UBASH3B: variants seen among roughly 807,000 people sequenced by gnomAD.
UBASH3B encodes the protein ubiquitin associated and SH3 domain containing B.
Under a neutral mutation model 83.4 loss-of-function variants are expected in UBASH3B, and 37 were observed. The ratio of observed to expected loss-of-function variants is 0.44; its 90% CI spans 0.34 to 0.58. UBASH3B has a LOEUF of 0.58. UBASH3B is among the 20% of genes least tolerant of loss of function. The probability of loss-of-function intolerance (pLI) is 0.01; values close to 1 mark genes in which losing one functional copy is unlikely to be tolerated. For missense variants in UBASH3B, 657 were observed against 827.2 expected (o/e 0.79, Z 2.52); for synonymous variants, 304 against 318.3 (o/e 0.96, Z 0.48).
At chr11:122,701,066 C>G (rs1864034917) in intron 1 of UBASH3B, among the ~76,000 whole-genome samples, 2 of 152,194 alleles carry the variant, frequency 1.3e-5, no homozygotes, top group Admixed American at 1.3e-4. Flanking sequence ...TCCCAACCCC[C>G]AGCATTCTGA....
At chr11:122,800,188 T>C (rs1861227275) in intron 10 of UBASH3B, among the ~76,000 whole-genome samples, 1 of 152,156 alleles carries the variant, frequency 6.6e-6, no homozygotes, top group Non-Finnish European at 1.5e-5. Flanking sequence ...CGATGTTGGA[T>C]ACTCAGAGAC....
At chr11:122,773,871 G>T in intron 1 of UBASH3B, 1 of 537,302 alleles carries the variant, frequency 1.9e-6, no homozygotes, top group Non-Finnish European at 2.4e-6. Context: ...TTGGGGGAAG[G>T]GTGTAGAAAA....
At chr11:122,659,072 T>C (rs1412665527) in intron 1 of UBASH3B, among the ~76,000 whole-genome samples, 1 of 152,190 alleles carries the variant, frequency 6.6e-6, no homozygotes, top group Non-Finnish European at 1.5e-5. Context: ...TGTCTTTGTT[T>C]TCTGTCTGTG....
In UBASH3B at chr11:122,811,574, C is replaced by T. The variant is rs921232470; in HGVS notation, c.*1688C>T. The stretch of plus-strand genomic sequence containing the variant: ...TCCTGGGCTCAAGCGATCCTCCTGC[C>T]CCTGTCTCCCAAAGTGCTAGGATTA... On this transcript the variant is annotated 3_prime_UTR_variant, in exon 14 of 14. Coordinates refer to ENST00000284273, the MANE Select transcript of UBASH3B (RefSeq NM_032873.5). The T allele has an allele frequency of 6.6e-6, 1 of 152,172 alleles. No individual in the cohort carries two copies. Among genetic ancestry groups the T allele is most frequent in the African/African-American group, 2.4e-5 (1 of 41,424 alleles). 9.4% of individuals were successfully genotyped at this position (152,172 alleles called of 1,614,324 possible).
At chr11:122,804,174 G>A (rs916003714) in intron 11 of UBASH3B, among the ~76,000 whole-genome samples, 2 of 152,106 alleles carry the variant, frequency 1.3e-5, no homozygotes, top group African/African-American at 4.8e-5. Context: ...GGATGGGCCT[G>A]GGAGATGAGG....
chr11:122,807,229 C>A (rs951791374), intron 12 of UBASH3B, among the ~76,000 whole-genome samples: 1 of 152,168 alleles, frequency 6.6e-6, no homozygotes, highest in Non-Finnish European at 1.5e-5. Context: ...ATAGTGGGAA[C>A]ACTTAAAACT....
chr11:122,720,340 G>A (rs772742007), intron 1 of UBASH3B, among the ~76,000 whole-genome samples: 3 of 152,144 alleles, frequency 2.0e-5, no homozygotes, highest in Non-Finnish European at 4.4e-5. Context: ...CAGCTTCGCC[G>A]CTTCCACAGA....
Position 122,715,554 on chromosome 11 carries a change from A to G in UBASH3B, c.161+59344A>G, listed in dbSNP as rs149071695. ...ATTTACCCAATGTGTCACCAAAGAG[A>G]CACAGCAGAAACTGCTGGAGAAACA... On this transcript the variant is annotated intron_variant, in intron 1 of 13. Coordinates refer to ENST00000284273, the MANE Select transcript of UBASH3B (RefSeq NM_032873.5). 2.9e-3 allele frequency among the ~76,000 whole-genome samples: 446 copies of G among 152,346 alleles called. 3 individuals carry two copies. Among genetic ancestry groups the G allele is most frequent in the African/African-American group, 9.3e-3 (386 of 41,570 alleles).
At chr11:122,661,524 C>T (rs565174153) in intron 1 of UBASH3B, among the ~76,000 whole-genome samples, 39 of 152,292 alleles carry the variant, frequency 2.6e-4, no homozygotes, top group South Asian at 6.2e-4. Context: ...AGAGGAAAAA[C>T]TGGAACCCAC....
chr11:122,797,935 A>G lies in UBASH3B; in HGVS notation c.1357+902A>G, dbSNP rs1861182632. 2.0e-5 allele frequency among the ~76,000 whole-genome samples: 3 copies of G among 152,324 alleles called. No individual in the cohort carries two copies. The South Asian group carries it at 6.2e-4, about 32-fold the overall frequency. Reference sequence around the variant, plus strand: ...TAGCAAGATGGATAAAGGCAAGTTCATGGAAGACCTTGGCCACCATATTAA... The same window carrying G: ...TAGCAAGATGGATAAAGGCAAGTTCGTGGAAGACCTTGGCCACCATATTAA... On this transcript the variant is annotated intron_variant, in intron 9 of 13. Transcript: ENST00000284273.
Position 122,812,647 on chromosome 11 carries a change from G to A in UBASH3B, c.*2761G>A, listed in dbSNP as rs1006822722. ...ACTAGGTGAAATGAAATTAACTAAAGGTTTTAATCTGGGATTGAAAGCCTG... is the reference window on the plus strand; with the variant it reads ...ACTAGGTGAAATGAAATTAACTAAAAGTTTTAATCTGGGATTGAAAGCCTG... On this transcript the variant is annotated 3_prime_UTR_variant, in exon 14 of 14. Transcript: ENST00000284273. The A allele has an allele frequency of 2.6e-5, 4 of 152,220 alleles. No homozygotes were observed. Among genetic ancestry groups the A allele is most frequent in the African/African-American group, 9.6e-5 (4 of 41,460 alleles). The allele number at this position is 152,220 out of a possible 1,614,324, so 9.4% of individuals were successfully genotyped here.
At chr11:122,742,646 C>A (rs1861045261) in intron 1 of UBASH3B, among the ~76,000 whole-genome samples, 1 of 152,230 alleles carries the variant, frequency 6.6e-6, no homozygotes, top group African/African-American at 2.4e-5. Context: ...TCCAGAACCC[C>A]CTTGGTCAGG....
chr11:122,804,985 A>C (rs568809756), intron 11 of UBASH3B, among the ~76,000 whole-genome samples: 36 of 152,196 alleles, frequency 2.4e-4, no homozygotes, highest in Non-Finnish European at 3.7e-4. Context: ...GAAGACATGC[A>C]GGGGCACCGG....
intron 1 of UBASH3B, among the ~76,000 whole-genome samples, chr11:122,745,234 G>C (rs1007268933): frequency 6.6e-6 from 1 of 152,162 alleles, no homozygotes; most frequent in Non-Finnish European, 1.5e-5. Flanking sequence ...ACTGGATCAC[G>C]TAACAAACAG....
intron 4 of UBASH3B, 155 bp from the exon 5 acceptor site, chr11:122,782,898 T>C (rs1215708586): frequency 2.0e-5 from 17 of 868,084 alleles, no homozygotes; most frequent in Non-Finnish European, 3.0e-5. Context: ...CTTACCCCCT[T>C]ATTCTACTGC....
At chr11:122,774,365 A>T in intron 1 of UBASH3B, 4 of 934,110 alleles carry the variant, frequency 4.3e-6, no homozygotes, top group Non-Finnish European at 5.1e-6. Context: ...GGGGAAGGGG[A>T]TAGTCTTTAA....
intron 7 of UBASH3B, among the ~76,000 whole-genome samples, chr11:122,795,409 C>T (rs538209870): frequency 9.2e-5 from 14 of 152,234 alleles, no homozygotes; most frequent in Non-Finnish European, 2.1e-4. Context: ...ATATTAACCA[C>T]GTCAGGGCAA....
intron 1 of UBASH3B, among the ~76,000 whole-genome samples, chr11:122,734,275 A>G (rs867549625): frequency 6.6e-6 from 1 of 152,238 alleles, no homozygotes; most frequent in Non-Finnish European, 1.5e-5. Context: ...CTGGTGATCA[A>G]CTGTGGGCCT....
intron 1 of UBASH3B, among the ~76,000 whole-genome samples, chr11:122,690,214 TTA>T (rs57890823): frequency 7.6e-5 from 4 of 52,684 alleles, no homozygotes; most frequent in African/African-American, 3.2e-4. Flanking sequence ...ATATATCCAA[TTA>T]TATATATATA....
Sources: gnomAD v4.1 joint callset for allele counts (sites outside exome capture counted in the v4.1 genomes callset) on GRCh38, gnomAD v4.1.1 for gene constraint, MANE v1.5 for transcripts, NCBI Gene and HGNC (gene_info 2026-07-23, HGNC 2026-07-21) for gene names.